Variants in PDE8A observed in about 807,000 individuals in gnomAD.
PDE8A encodes the protein high affinity cAMP-specific and IBMX-insensitive 3',5'-cyclic phosphodiesterase 8A.
Under a neutral mutation model 105.0 loss-of-function variants are expected in PDE8A, and 59 were observed. The observed-to-expected ratio is 0.56, with a 90% CI of 0.46 to 0.70. PDE8A has a LOEUF of 0.70. Ranked by LOEUF, PDE8A falls within the 30% of genes least tolerant of loss-of-function variation. The pLI is 0.00. For missense variants in PDE8A, 1,014 were observed against 1,045.9 expected, an observed-to-expected ratio of 0.97 and a Z score of 0.42; for synonymous variants, 355 against 371.9, an observed-to-expected ratio of 0.95 and a Z score of 0.52.
intron 1 of PDE8A, among the ~76,000 whole-genome samples, chr15:85,009,373 A>G (rs1483957706): frequency 6.6e-6 from 1 of 152,238 alleles, no homozygotes; most frequent in African/African-American, 2.4e-5. Flanking sequence ...AATCAGACCA[A>G]CAAAATACTA....
intron 20 of PDE8A, among the ~76,000 whole-genome samples, chr15:85,133,520 TTTCC>T (rs1567307990): frequency 6.6e-6 from 1 of 152,142 alleles, no homozygotes; most frequent in African/African-American, 2.4e-5. Flanking sequence ...TACCCTTAAG[TTTCC>T]TGCTGTTTTG....
intron 1 of PDE8A, among the ~76,000 whole-genome samples, chr15:85,003,720 A>G (rs1398048414): frequency 2.0e-5 from 3 of 152,186 alleles, no homozygotes; most frequent in African/African-American, 7.2e-5. Context: ...TTGTAGGAAA[A>G]TTTCAACAAG....
chr15:85,115,332 G>T, intron 14 of PDE8A, 107 bp from the exon 15 acceptor site: 1 of 694,230 alleles, frequency 1.4e-6, no homozygotes, highest in Non-Finnish European at 2.5e-6. Context: ...GAGTGCATTG[G>T]TGGAGAGGGC....
At chr15:84,994,457 A>AGGCTGCCTTGT (rs1208454413) in intron 1 of PDE8A, among the ~76,000 whole-genome samples, 2 of 152,240 alleles carry the variant, frequency 1.3e-5, no homozygotes, top group Admixed American at 1.3e-4. Flanking sequence ...GCATTCCAGA[A>AGGCTGCCTTGT]GGCTGCCTTG....
At chr15:85,004,847 CTTTT>C (rs35818984) in intron 1 of PDE8A, among the ~76,000 whole-genome samples, 2 of 140,432 alleles carry the variant, frequency 1.4e-5, no homozygotes. Context: ...TTTTAATATT[CTTTT>C]TTTTTTTTTT....
intron 18 of PDE8A, 77 bp from the exon 19 acceptor site, chr15:85,122,984 A>T (rs989558173): frequency 2.3e-5 from 34 of 1,450,142 alleles, no homozygotes; most frequent in Non-Finnish European, 2.9e-5. Flanking sequence ...ATACCTGGAT[A>T]ACAGATTGTT....
rs986433305 is a variant in PDE8A, at chr15:85,138,211, A to C, written c.*308A>C. 3 of 255,886 alleles carry C rather than the reference A, an allele frequency of 1.2e-5. No homozygotes were observed. Among genetic ancestry groups the C allele is most frequent in the African/African-American group, 6.6e-5 (3 of 45,602 alleles). 15.9% of individuals were successfully genotyped at this position (255,886 alleles called of 1,614,324 possible). A position where few individuals can be genotyped will look rare whatever the true frequency, so the allele number is the denominator to read the frequency against. Reference sequence around the variant, plus strand: ...TGGAGTGCCCCTGCAAAGGGTATTGATGGACTTCCTGCCAGTGACAGAGCA... The same window carrying C: ...TGGAGTGCCCCTGCAAAGGGTATTGCTGGACTTCCTGCCAGTGACAGAGCA... On this transcript the variant is annotated 3_prime_UTR_variant, in exon 22 of 22. Coordinates refer to ENST00000394553, the MANE Select transcript of PDE8A (RefSeq NM_002605.3).
At chr15:85,052,339 G>A (rs1728477287) in intron 1 of PDE8A, among the ~76,000 whole-genome samples, 1 of 152,238 alleles carries the variant, frequency 6.6e-6, no homozygotes, top group South Asian at 2.1e-4. Flanking sequence ...TATATACCCA[G>A]TAATGGGAGG....
chr15:85,069,313 CTCCA>C (rs1170578097), intron 3 of PDE8A, among the ~76,000 whole-genome samples: 1 of 152,204 alleles, frequency 6.6e-6, no homozygotes, highest in African/African-American at 2.4e-5. Flanking sequence ...GCCTAGCACT[CTCCA>C]TCCAGCCTCT....
At chr15:85,075,988 A>C in intron 4 of PDE8A, 70 bp downstream of exon 4, 1 of 805,218 alleles carries the variant, frequency 1.2e-6, no homozygotes, top group South Asian at 1.6e-5. Flanking sequence ...AGATGGCCAA[A>C]TAACAGCTTG....
At chr15:85,042,479 C>T (rs149515704) in intron 1 of PDE8A, among the ~76,000 whole-genome samples, 1 of 152,294 alleles carries the variant, frequency 6.6e-6, no homozygotes, top group Non-Finnish European at 1.5e-5. Flanking sequence ...TTTAACAGTA[C>T]AGCCTCAGGT....
intron 6 of PDE8A, among the ~76,000 whole-genome samples, chr15:85,088,054 C>T (rs1156473365): frequency 1.3e-5 from 2 of 152,006 alleles, no homozygotes; most frequent in Non-Finnish European, 2.9e-5. Flanking sequence ...TTTTATTATC[C>T]CCAGCCCAGG....
intron 18 of PDE8A, among the ~76,000 whole-genome samples, chr15:85,121,740 C>T (rs1596540277): frequency 6.6e-6 from 1 of 152,190 alleles, no homozygotes; most frequent in Non-Finnish European, 1.5e-5. Context: ...ATTACCCCTT[C>T]GATAGAACCT....
chr15:85,105,767 C>T (rs990673936), intron 11 of PDE8A, among the ~76,000 whole-genome samples: 7 of 152,276 alleles, frequency 4.6e-5, no homozygotes, highest in Admixed American at 1.3e-4. Flanking sequence ...ACTGGCAGGC[C>T]GGATACCTCA....
chr15:85,043,175 G>GCA (rs2080836651), intron 1 of PDE8A, among the ~76,000 whole-genome samples: 1 of 152,150 alleles, frequency 6.6e-6, no homozygotes. Context: ...TGAGAGAGAG[G>GCA]CATGCTGCTA....
At chr15:85,009,106 AGAGAGTGTGTGTGTGT>A (rs1393952500) in intron 1 of PDE8A, among the ~76,000 whole-genome samples, 266 of 25,998 alleles carry the variant, frequency 0.01, no homozygotes, top group South Asian at 0.095. Flanking sequence ...AGAGAGAGAG[AGAGAGTGTGTGTGTGT>A]GTGTGTGTGT....
rs545922366 is a variant in PDE8A at position 85,047,071 on chromosome 15, C to T, written c.187-17299C>T. ...TTACTGATATCAGCTATTGAACATA[C>T]TTTTGTTTCTATATTGCTTAAAAAT... On this transcript the variant is annotated intron_variant, in intron 1 of 21. Transcript: ENST00000394553. Among the ~76,000 whole-genome samples, 146 of 152,264 alleles carry T rather than the reference C, an allele frequency of 9.6e-4. 1 individual carries two copies. The highest frequency in any genetic ancestry group is 3.4e-3 in the African/African-American group (141 of 41,552).
intron 7 of PDE8A, 61 bp from the exon 8 acceptor site, chr15:85,090,983 T>A: frequency 6.8e-7 from 1 of 1,477,206 alleles, no homozygotes; most frequent in Non-Finnish European, 9.3e-7. Context: ...GACCTTTGAT[T>A]GTCCTCTTTT....
chr15:85,009,420 A>T (rs2080204974), intron 1 of PDE8A, among the ~76,000 whole-genome samples: 1 of 152,198 alleles, frequency 6.6e-6, no homozygotes, highest in Admixed American at 6.5e-5. Flanking sequence ...AGAAATAAGG[A>T]TGTTACAGAT....
Sources: allele counts gnomAD v4.1 joint callset (sites outside exome capture counted in the v4.1 genomes callset), GRCh38; gene constraint gnomAD v4.1.1; transcripts MANE v1.5; gene names NCBI Gene and HGNC (gene_info 2026-07-23, HGNC 2026-07-21).